CDYL2: variants seen among roughly 807,000 people sequenced by gnomAD.
CDYL2 encodes chromodomain Y-like protein 2.
Under a neutral mutation model 49.4 loss-of-function variants are expected in CDYL2, and 23 were observed. The ratio of observed to expected loss-of-function variants is 0.47; its 90% CI spans 0.34 to 0.66. CDYL2 has a LOEUF of 0.66. Ranked by LOEUF, CDYL2 falls within the 30% of genes least tolerant of loss-of-function variation. CDYL2 has a pLI of 0.01. For synonymous variants in CDYL2, 360 were observed against 268.8 expected (o/e 1.34, Z -3.32); for missense variants, 678 against 656.4 (o/e 1.03, Z -0.36).
At chr16:80,761,596 C>G (rs923477866) in intron 1 of CDYL2, among the ~76,000 whole-genome samples, 1 of 152,104 alleles carries the variant, frequency 6.6e-6, no homozygotes, top group African/African-American at 2.4e-5. Context: ...AACACATCAT[C>G]CTTTGCAATT....
chr16:80,629,437 G>A (rs182195915), intron 3 of CDYL2, among the ~76,000 whole-genome samples: 228 of 152,332 alleles, frequency 1.5e-3, no homozygotes, highest in African/African-American at 4.9e-3. Context: ...CAAGAGCGGT[G>A]TGAAAAGGGA....
At chr16:80,642,548 T>C (rs1388370956) in intron 2 of CDYL2, among the ~76,000 whole-genome samples, 1 of 152,194 alleles carries the variant, frequency 6.6e-6, no homozygotes, top group Non-Finnish European at 1.5e-5. Flanking sequence ...GCAAACCTCA[T>C]TGAATTAGTC....
intron 1 of CDYL2, among the ~76,000 whole-genome samples, chr16:80,794,697 C>T (rs1271160035): frequency 1.3e-5 from 2 of 149,416 alleles, no homozygotes. Context: ...CTGCAACCTC[C>T]ACCTCCCAGG....
chr16:80,764,380 T>C (rs531537981), intron 1 of CDYL2, among the ~76,000 whole-genome samples: 1 of 152,278 alleles, frequency 6.6e-6, no homozygotes, highest in African/African-American at 2.4e-5. Flanking sequence ...TGTCTTATTC[T>C]ACGGAGGAAG....
intron 2 of CDYL2, among the ~76,000 whole-genome samples, chr16:80,633,788 T>G (rs1000219588): frequency 6.6e-6 from 1 of 152,174 alleles, no homozygotes; most frequent in Non-Finnish European, 1.5e-5. Flanking sequence ...TATCCTTAGG[T>G]CTCTCTCTTC....
At chr16:80,606,097 T>C (rs371500378) in intron 6 of CDYL2, among the ~76,000 whole-genome samples, 26 of 152,196 alleles carry the variant, frequency 1.7e-4, no homozygotes, top group African/African-American at 5.5e-4. Context: ...AGAAGCAAGA[T>C]GGCAGCTCCC....
rs529590134 is a variant in CDYL2, at chr16:80,645,127, A to G, written c.617-11891T>C. ...CCAAAAGCAATGGCAACAAAAGCCA[A>G]AATTGACAAATGGGATCTAATTAAA... is the stretch of plus-strand genomic sequence containing the variant. On this transcript the variant is annotated intron_variant, in intron 2 of 6. Transcript: ENST00000570137. Among the ~76,000 whole-genome samples, 26 of 152,342 alleles carry G rather than the reference A, an allele frequency of 1.7e-4. 1 individual carries two copies. In the South Asian group the frequency reaches 5.0e-3, roughly 29 times the overall value.
At chr16:80,789,467 G>C (rs1907541508) in intron 1 of CDYL2, among the ~76,000 whole-genome samples, 1 of 152,084 alleles carries the variant, frequency 6.6e-6, no homozygotes, top group Non-Finnish European at 1.5e-5. Context: ...GGGCATGGTG[G>C]TGGGCACCTG....
chr16:80,639,534 G>A, intron 2 of CDYL2: 2 of 346,222 alleles, frequency 5.8e-6, no homozygotes, highest in South Asian at 4.4e-5. Context: ...AATGAGTTAT[G>A]AGGGAATGGA....
chr16:80,730,919 G>T (rs1284229003), intron 1 of CDYL2, among the ~76,000 whole-genome samples: 3 of 152,180 alleles, frequency 2.0e-5, no homozygotes. Context: ...TGCACTGGCA[G>T]AAAACAGATC....
intron 1 of CDYL2, among the ~76,000 whole-genome samples, chr16:80,685,373 T>C (rs970953825): frequency 3.3e-5 from 5 of 152,186 alleles, no homozygotes; most frequent in Admixed American, 1.3e-4. Context: ...TGACGCTAGA[T>C]GACACGCCCA....
At chr16:80,763,422 G>A (rs914791355) in intron 1 of CDYL2, among the ~76,000 whole-genome samples, 1 of 84,174 alleles carries the variant, frequency 1.2e-5, no homozygotes. Flanking sequence ...TGGCCAACAT[G>A]GTGAAACCCT....
intron 1 of CDYL2, among the ~76,000 whole-genome samples, chr16:80,789,169 T>G (rs111708483): frequency 6.6e-6 from 1 of 152,176 alleles, no homozygotes; most frequent in South Asian, 2.1e-4. Context: ...CATACACTAT[T>G]GCTGGGAATG....
At chr16:80,714,563 T>C (rs568229053) in intron 1 of CDYL2, among the ~76,000 whole-genome samples, 63 of 152,310 alleles carry the variant, frequency 4.1e-4, no homozygotes, top group Non-Finnish European at 7.2e-4. Flanking sequence ...TATCTGTTGT[T>C]GTGTCTCCTG....
At chr16:80,721,394 G>A (rs1167448226) in intron 1 of CDYL2, among the ~76,000 whole-genome samples, 5 of 152,150 alleles carry the variant, frequency 3.3e-5, no homozygotes, top group Non-Finnish European at 2.9e-5. Context: ...AATCATCCCT[G>A]ATTCACAAGC....
At chr16:80,673,245 G>A (rs891817998) in intron 2 of CDYL2, among the ~76,000 whole-genome samples, 20 of 152,042 alleles carry the variant, frequency 1.3e-4, no homozygotes, top group Admixed American at 3.9e-4. Context: ...GTTTGGACCC[G>A]GGAGGCGGAG....
chr16:80,608,078 G>A lies in CDYL2; in HGVS notation c.1362+14C>T. 1.9e-6 allele frequency: 3 copies of A among 1,559,850 alleles called. No individual in the cohort carries two copies. Among genetic ancestry groups the A allele is most frequent in the Non-Finnish European group, 2.6e-6 (3 of 1,150,950 alleles). ...TATCAAAAGGACAAGCACGCAGGAG[G>A]CGCAGGAACTCACCACGGCACTGCA... On this transcript the variant is annotated intron_variant, in intron 6 of 6. Transcript: ENST00000570137.
chr16:80,709,430 T>C (rs1024951508), intron 1 of CDYL2, among the ~76,000 whole-genome samples: 1 of 149,788 alleles, frequency 6.7e-6, no homozygotes, highest in African/African-American at 2.5e-5. Flanking sequence ...ACAATTTATA[T>C]ATCAGGGAAT....
intron 1 of CDYL2, among the ~76,000 whole-genome samples, chr16:80,787,196 G>T (rs376795710): frequency 6.6e-6 from 1 of 152,162 alleles, no homozygotes; most frequent in Non-Finnish European, 1.5e-5. Context: ...AGAGACTATT[G>T]TTTCTTCCAC....
Sources: allele counts gnomAD v4.1 joint callset (sites outside exome capture counted in the v4.1 genomes callset), GRCh38; gene constraint gnomAD v4.1.1; transcripts MANE v1.5; gene names NCBI Gene and HGNC (gene_info 2026-07-23, HGNC 2026-07-21).